The following ZMYM2 variants were observed in gnomAD, a reference collection of about 807,000 sequenced individuals.
ZMYM2 encodes zinc finger MYM-type protein 2.
ZMYM2 carries 56 observed loss-of-function variants against 162.8 expected under a neutral mutation model. The observed-to-expected ratio is 0.34, with a 90% CI of 0.28 to 0.43. ZMYM2 has a LOEUF of 0.43. ZMYM2 is among the 20% of genes least tolerant of loss of function. ZMYM2 has a pLI of 1.00. For synonymous variants in ZMYM2, 510 were observed against 541.6 expected (o/e 0.94, Z 0.81); for missense variants, 1,275 against 1,621.8 (o/e 0.79, Z 3.67).
the ZMYM2 span, among the ~76,000 whole-genome samples, chr13:19,870,260 A>G: frequency 6.6e-6 from 1 of 152,048 alleles, no homozygotes; most frequent in Non-Finnish European, 1.5e-5. Context: ...GGCTCCAGCA[A>G]TCCTCTTGCC....
the ZMYM2 span, among the ~76,000 whole-genome samples, chr13:19,914,662 A>T: frequency 6.6e-6 from 1 of 152,210 alleles, no homozygotes; most frequent in Admixed American, 6.5e-5. Context: ...CCATCTGTGC[A>T]TTTACGTAGT....
At chr13:19,920,087 T>C in the ZMYM2 span, among the ~76,000 whole-genome samples, 151 of 152,290 alleles carry the variant, frequency 9.9e-4, no homozygotes, top group African/African-American at 3.4e-3. Context: ...GGGATTACCA[T>C]TGTGAGCCAG....
rs532651058 is a variant in ZMYM2, at chr13:20,067,354, T to C, written c.3417T>C (p.Pro1139=). 10 of 1,611,378 alleles carry C rather than the reference T, an allele frequency of 6.2e-6. No individual in the cohort carries two copies. The highest frequency in any genetic ancestry group is 1.7e-4 in the Middle Eastern group (1 of 6,058). Residue 1139 remains proline (P), a synonymous_variant, in exon 21 of 25, where the codon CCT becomes CCC. Transcript: ENST00000610343. ...GGCCAAATGGAGAGAATTATGCACC[T>C]GACAGCATCTATTACCTTTGCCTTG... is the stretch of plus-strand genomic sequence containing the variant. ...IRRPNGENYA[P]DSIYYLCLGI...
At chr13:20,055,086 G>T (rs1174458274) in intron 14 of ZMYM2, among the ~76,000 whole-genome samples, 1 of 151,714 alleles carries the variant, frequency 6.6e-6, no homozygotes, top group African/African-American at 2.4e-5. Context: ...TCATATGGGT[G>T]AGTTCTATAA....
chr13:20,077,747 G>A (rs1017843861), intron 21 of ZMYM2, among the ~76,000 whole-genome samples: 11 of 152,022 alleles, frequency 7.2e-5, no homozygotes, highest in African/African-American at 2.2e-4. Context: ...TGAGGGCTGC[G>A]GTAAGTAAGA....
chr13:20,010,956 G>A (rs1247202042), intron 6 of ZMYM2, among the ~76,000 whole-genome samples: 2 of 152,016 alleles, frequency 1.3e-5, no homozygotes, highest in Non-Finnish European at 2.9e-5. Context: ...ATTTTTAGTT[G>A]ATATGTAATA....
At chr13:19,930,209 TG>T in the ZMYM2 span, among the ~76,000 whole-genome samples, 1 of 152,190 alleles carries the variant, frequency 6.6e-6, no homozygotes, top group Admixed American at 6.5e-5. Flanking sequence ...AAGGCCAGCC[TG>T]GCCAACATGG....
intron 12 of ZMYM2, among the ~76,000 whole-genome samples, chr13:20,042,789 T>A (rs1223905378): frequency 2.0e-5 from 3 of 152,154 alleles, no homozygotes. Flanking sequence ...CGTGGCATGA[T>A]CTTGGCTTAC....
the ZMYM2 span, among the ~76,000 whole-genome samples, chr13:19,876,496 T>C: frequency 6.6e-6 from 1 of 152,006 alleles, no homozygotes; most frequent in Non-Finnish European, 1.5e-5. Context: ...TAAGTTTTTA[T>C]ATTTTTGGTA....
upstream of ZMYM2, among the ~76,000 whole-genome samples, chr13:19,956,141 T>C (rs2099566199): frequency 1.3e-5 from 2 of 152,244 alleles, no homozygotes; most frequent in South Asian, 4.1e-4. Flanking sequence ...GCTACCATTT[T>C]CTACTCCCCA....
intron 2 of ZMYM2, among the ~76,000 whole-genome samples, chr13:19,976,792 T>G (rs1022827790): frequency 1.3e-5 from 2 of 152,208 alleles, no homozygotes; most frequent in Non-Finnish European, 2.9e-5. Context: ...CTGAGTAGTT[T>G]ATAGTGTTGT....
At chr13:20,057,054 C>T (rs1955853316) in intron 14 of ZMYM2, among the ~76,000 whole-genome samples, 2 of 152,158 alleles carry the variant, frequency 1.3e-5, no homozygotes, top group Admixed American at 6.5e-5. Flanking sequence ...AGTACCTCAT[C>T]ACACATTCTG....
At chr13:20,076,385 A>G (rs888870690) in intron 21 of ZMYM2, among the ~76,000 whole-genome samples, 1 of 150,626 alleles carries the variant, frequency 6.6e-6, no homozygotes, top group African/African-American at 2.5e-5. Context: ...TTTCTGAGAT[A>G]TGATTCCAGA....
chr13:19,870,847 C>T, the ZMYM2 span, among the ~76,000 whole-genome samples: 10 of 151,490 alleles, frequency 6.6e-5, no homozygotes, highest in East Asian at 1.8e-3. Context: ...GGCTGGTCTC[C>T]GACTCCCGAC....
At chr13:19,900,094 C>T in the ZMYM2 span, among the ~76,000 whole-genome samples, 1 of 151,928 alleles carries the variant, frequency 6.6e-6, no homozygotes, top group Non-Finnish European at 1.5e-5. Context: ...TTGCTTGAGG[C>T]CAGGAGTTCG....
chr13:19,997,362 A>G (rs983094663), intron 3 of ZMYM2, among the ~76,000 whole-genome samples: 2 of 152,208 alleles, frequency 1.3e-5, no homozygotes, highest in African/African-American at 4.8e-5. Context: ...TACTGGGCTA[A>G]ATATTATGAT....
rs1429911847 is a variant in ZMYM2, at chr13:20,006,594, A to G, written c.1512+8A>G. 1.2e-6 allele frequency: 2 copies of G among 1,612,972 alleles called. No homozygotes were observed. Among genetic ancestry groups the G allele is most frequent in the Admixed American group, 1.7e-5 (1 of 59,946 alleles). On this transcript the variant is annotated splice_region_variant and intron_variant, in intron 6 of 24. Transcript: ENST00000610343. ...GTCAGTGAATACAAACAGGTAATTCATGTTCTAATCAAAATTGGGCATTCT... is the reference window on the plus strand; with the variant it reads ...GTCAGTGAATACAAACAGGTAATTCGTGTTCTAATCAAAATTGGGCATTCT...
chr13:19,883,357 T>C, the ZMYM2 span, among the ~76,000 whole-genome samples: 7 of 152,226 alleles, frequency 4.6e-5, no homozygotes, highest in Non-Finnish European at 8.8e-5. Context: ...ATATACTAAA[T>C]GTCACTGAAT....
At chr13:20,054,524 C>T (rs1955631083) in intron 14 of ZMYM2, among the ~76,000 whole-genome samples, 1 of 152,142 alleles carries the variant, frequency 6.6e-6, no homozygotes. Context: ...TTTTCATAGT[C>T]CCTGGCATCT....
Sources: allele counts gnomAD v4.1 joint callset (sites outside exome capture counted in the v4.1 genomes callset), GRCh38; gene constraint gnomAD v4.1.1; transcripts MANE v1.5; gene names NCBI Gene and HGNC (gene_info 2026-07-23, HGNC 2026-07-21).